Variants in POT1 observed in about 807,000 individuals in gnomAD.
The protein encoded by POT1 is protection of telomeres protein 1.
POT1 carries 47 observed loss-of-function variants against 78.5 expected under a neutral mutation model. The ratio of observed to expected loss-of-function variants is 0.60; its 90% CI spans 0.47 to 0.76. The LOEUF (loss-of-function observed/expected upper bound fraction) is 0.76. POT1 is among the 30% of genes least tolerant of loss of function. POT1 has a pLI of 0.00. For missense variants in POT1, 646 were observed against 749.9 expected, an observed-to-expected ratio of 0.86 and a Z score of 1.62; for synonymous variants, 259 against 260.7, an observed-to-expected ratio of 0.99 and a Z score of 0.06.
At chr7:124,888,787 C>CATTA (rs1287377069) in intron 6 of POT1, among the ~76,000 whole-genome samples, 1 of 151,908 alleles carries the variant, frequency 6.6e-6, no homozygotes, top group Non-Finnish European at 1.5e-5. Flanking sequence ...TGATCTTTGG[C>CATTA]ATTACTATTA....
chr7:124,897,944 A>C (rs1163199135), intron 4 of POT1, among the ~76,000 whole-genome samples: 1 of 152,006 alleles, frequency 6.6e-6, no homozygotes, highest in Non-Finnish European at 1.5e-5. Context: ...TAGTTGATTA[A>C]TTTAAAGTGA....
intron 3 of POT1, among the ~76,000 whole-genome samples, chr7:124,902,278 A>T (rs1297006124): frequency 6.6e-6 from 1 of 152,188 alleles, no homozygotes; most frequent in East Asian, 1.9e-4. Context: ...GCCAGAGAAA[A>T]AGGTCAGGTT....
At chr7:124,918,091 G>GT (rs1366992227) in intron 2 of POT1, among the ~76,000 whole-genome samples, 1 of 152,194 alleles carries the variant, frequency 6.6e-6, no homozygotes, top group African/African-American at 2.4e-5. Flanking sequence ...CTCTAACCAT[G>GT]AGCCAGCAGG....
chr7:124,872,860 T>C (rs1795904147), intron 6 of POT1, among the ~76,000 whole-genome samples: 1 of 152,376 alleles, frequency 6.6e-6, no homozygotes, highest in South Asian at 2.1e-4. Flanking sequence ...ACCCTCTCGA[T>C]ACTAGTCTTC....
intron 9 of POT1, among the ~76,000 whole-genome samples, chr7:124,856,130 C>T (rs911477541): frequency 6.6e-6 from 1 of 152,090 alleles, no homozygotes; most frequent in Non-Finnish European, 1.5e-5. Context: ...AATAAAAACA[C>T]ATTTTTTCCT....
At chr7:124,880,209 G>A (rs972013966) in intron 6 of POT1, among the ~76,000 whole-genome samples, 6 of 152,018 alleles carry the variant, frequency 3.9e-5, no homozygotes, top group Admixed American at 1.3e-4. Context: ...CTATTTTGAA[G>A]GTTTGAAGTT....
At chr7:124,827,561 T>G (rs1794662185) in intron 16 of POT1, among the ~76,000 whole-genome samples, 1 of 152,194 alleles carries the variant, frequency 6.6e-6, no homozygotes, top group South Asian at 2.1e-4. Context: ...CACATAAGTC[T>G]TCTGCGCTGA....
At chr7:124,905,724 T>C (rs1796749333) in intron 3 of POT1, among the ~76,000 whole-genome samples, 1 of 152,146 alleles carries the variant, frequency 6.6e-6, no homozygotes, top group Non-Finnish European at 1.5e-5. Flanking sequence ...AGAATATTTT[T>C]GCAATCTACT....
intron 3 of POT1, among the ~76,000 whole-genome samples, chr7:124,907,826 G>A (rs993045582): frequency 2.6e-4 from 40 of 152,042 alleles, no homozygotes; most frequent in African/African-American, 8.9e-4. Context: ...CTTTTAAAAA[G>A]TATTTTTTAA....
intron 4 of POT1, among the ~76,000 whole-genome samples, chr7:124,897,461 G>A (rs1796520289): frequency 6.6e-6 from 1 of 151,860 alleles, no homozygotes; most frequent in African/African-American, 2.4e-5. Context: ...TGTTCTTACA[G>A]ATTAAATCTG....
At chr7:124,835,927 A>G (rs982697973) in intron 14 of POT1, among the ~76,000 whole-genome samples, 3 of 152,348 alleles carry the variant, frequency 2.0e-5, no homozygotes, top group African/African-American at 7.2e-5. Flanking sequence ...ATGACAGAGT[A>G]AGCATTCAAA....
At chr7:124,920,137 G>A (rs751727046) in intron 2 of POT1, among the ~76,000 whole-genome samples, 3 of 152,034 alleles carry the variant, frequency 2.0e-5, no homozygotes, top group Non-Finnish European at 4.4e-5. Flanking sequence ...ATAAAAATCT[G>A]TACATATATA....
chr7:124,896,929 A>G (rs1268976273), intron 5 of POT1, among the ~76,000 whole-genome samples: 1 of 151,814 alleles, frequency 6.6e-6, no homozygotes, highest in Non-Finnish European at 1.5e-5. Context: ...CTTACACAAA[A>G]TATCAGCAGA....
At chr7:124,900,703 G>A (rs199800626) in intron 3 of POT1, 3 of 217,340 alleles carry the variant, frequency 1.4e-5, no homozygotes, top group South Asian at 5.0e-5. Context: ...GCAGGGCATC[G>A]CCTCACTGGG....
chr7:124,842,973 AT>A lies in POT1; in HGVS notation c.1007-11del, dbSNP rs1304104982. 5 of 1,524,412 alleles carry A rather than the reference AT, an allele frequency of 3.3e-6. No homozygotes were observed. The highest frequency in any genetic ancestry group is 2.3e-5 in the Admixed American group (1 of 43,736). 94.4% of individuals were successfully genotyped at this position (1,524,412 alleles called of 1,614,324 possible). ...TGATGATCTGTAAGTACTGTAAAGAATTTTTATATTCAATCAGAATAACAAG... is the reference window on the plus strand; with the variant it reads ...TGATGATCTGTAAGTACTGTAAAGAATTTTATATTCAATCAGAATAACAAG... On this transcript the variant is annotated splice_polypyrimidine_tract_variant and intron_variant, in intron 12 of 18. Transcript: ENST00000357628.
At chr7:124,854,440 T>A (rs1795393544) in intron 9 of POT1, among the ~76,000 whole-genome samples, 1 of 151,350 alleles carries the variant, frequency 6.6e-6, no homozygotes, top group South Asian at 2.1e-4. Context: ...AAGGAAACGT[T>A]TAAAAAAAAA....
At chr7:124,929,572 A>T (rs143474252) in intron 1 of POT1, 80 of 152,228 alleles carry the variant, frequency 5.3e-4, no homozygotes, top group African/African-American at 1.8e-3. Flanking sequence ...CCCCCAAGCC[A>T]CCTGAGCTCT....
chr7:124,825,651 G>GA (rs901942157), intron 17 of POT1, among the ~76,000 whole-genome samples: 38 of 151,120 alleles, frequency 2.5e-4, no homozygotes, highest in South Asian at 1.7e-3. Flanking sequence ...TTTGTGCATA[G>GA]AAAAAAAAAT....
At chr7:124,914,434 C>A (rs1019378742) in intron 3 of POT1, among the ~76,000 whole-genome samples, 2 of 152,024 alleles carry the variant, frequency 1.3e-5, no homozygotes, top group Admixed American at 1.3e-4. Flanking sequence ...GTAGTATTGA[C>A]AGCTTAACAT....
Sources: gnomAD v4.1 joint callset for allele counts (sites outside exome capture counted in the v4.1 genomes callset) on GRCh38, gnomAD v4.1.1 for gene constraint, MANE v1.5 for transcripts, NCBI Gene and HGNC (gene_info 2026-07-23, HGNC 2026-07-21) for gene names.